The following TDRD3 variants were observed in gnomAD, a reference collection of about 807,000 sequenced individuals.
TDRD3 encodes the protein tudor domain containing 3.
TDRD3 carries 45 observed loss-of-function variants against 86.7 expected under a neutral mutation model. That is an observed-to-expected ratio of 0.52 (90% CI 0.41 to 0.67). The LOEUF (loss-of-function observed/expected upper bound fraction) is 0.67. Ranked by LOEUF, TDRD3 falls within the 30% of genes least tolerant of loss-of-function variation. The pLI, the probability that TDRD3 is intolerant of heterozygous loss-of-function variation, is 0.00. For missense variants in TDRD3, 814 were observed against 889.0 expected (o/e 0.92, Z 1.07); for synonymous variants, 298 against 301.7 (o/e 0.99, Z 0.13).
chr13:60,464,901 C>T (rs1250947858), intron 4 of TDRD3, among the ~76,000 whole-genome samples: 1 of 151,992 alleles, frequency 6.6e-6, no homozygotes, highest in Admixed American at 6.6e-5. Flanking sequence ...CTATAGTTAA[C>T]AGTAATTTAT....
rs1324987519 is a variant in TDRD3, at chr13:60,528,816, C to A, written c.1591C>A (p.Gln531Lys). The change falls in exon 11 of 14, where the codon CAA becomes AAA. Residue 531 changes from glutamine to lysine, a missense_variant. Coordinates refer to ENST00000377881, the MANE Select transcript of TDRD3 (RefSeq NM_001146070.2). ...TCAAGGATCTGTAGATTATAATAAT[C>A]AAAAACGTGGAAAAAGAGAAAGCCA... ...LPQGSVDYNN[Q>K]KRGKRESQTS... The A allele has an allele frequency of 3.7e-6, 6 of 1,613,590 alleles. No homozygotes were observed. Among genetic ancestry groups the A allele is most frequent in the Middle Eastern group, 1.7e-4 (1 of 6,058 alleles).
chr13:60,510,043 G>A, intron 9 of TDRD3, 124 bp downstream of exon 9: 1 of 1,141,474 alleles, frequency 8.8e-7, no homozygotes, highest in Non-Finnish European at 1.2e-6. Flanking sequence ...TAAGTGGAAG[G>A]AACACCAGTT....
intron 12 of TDRD3, chr13:60,535,833 A>T (rs1315936805): frequency 6.6e-6 from 1 of 152,122 alleles, no homozygotes; most frequent in Non-Finnish European, 1.5e-5. Context: ...TGACTCATGG[A>T]GTCCATTTTA....
intron 1 of TDRD3, among the ~76,000 whole-genome samples, chr13:60,407,417 G>C (rs1363385691): frequency 6.6e-6 from 1 of 152,154 alleles, no homozygotes; most frequent in African/African-American, 2.4e-5. Flanking sequence ...TTTCTGAAAT[G>C]AATGTTGTGA....
chr13:60,532,750 G>T (rs979874625), intron 11 of TDRD3, among the ~76,000 whole-genome samples: 1 of 151,574 alleles, frequency 6.6e-6, no homozygotes, highest in Non-Finnish European at 1.5e-5. Flanking sequence ...TATTTTTTTC[G>T]TCAACTGAAA....
Position 60,572,060 on chromosome 13 carries a change from T to C in TDRD3, c.*10-1556T>C, listed in dbSNP as rs547630740. On this transcript the variant is annotated intron_variant, in intron 13 of 13. Coordinates refer to ENST00000377881, the MANE Select transcript of TDRD3 (RefSeq NM_001146070.2). The stretch of plus-strand genomic sequence containing the variant: ...ACAGTTCTTTAGTCCAACCAAAACT[T>C]TGTGCGTTTGGAGAGGTTTCTGACA... Among the ~76,000 whole-genome samples, 3 of 152,202 alleles carry C rather than the reference T, an allele frequency of 2.0e-5. No individual in the cohort carries two copies. In the East Asian group the frequency reaches 5.8e-4, roughly 29 times the overall value.
chr13:60,505,006 G>A (rs1956906179), intron 8 of TDRD3, among the ~76,000 whole-genome samples: 1 of 152,154 alleles, frequency 6.6e-6, no homozygotes, highest in Non-Finnish European at 1.5e-5. Flanking sequence ...GCACAAAACT[G>A]ATGGCCTTTT....
At chr13:60,477,035 A>G (rs1956200151) in intron 5 of TDRD3, among the ~76,000 whole-genome samples, 1 of 151,686 alleles carries the variant, frequency 6.6e-6, no homozygotes, top group African/African-American at 2.4e-5. Context: ...TTTGGATGTC[A>G]TATATTTCTT....
chr13:60,508,689 C>T (rs143674340), intron 8 of TDRD3, among the ~76,000 whole-genome samples: 1 of 152,238 alleles, frequency 6.6e-6, no homozygotes, highest in East Asian at 1.9e-4. Context: ...TAGGCAATAC[C>T]ATTCAGGACA....
At position 60,418,327 on chromosome 13, in the gene TDRD3, T is replaced by G. The variant is rs567482646; in HGVS notation, c.41+20922T>G. ...ATTTTAAAACATAACTGTCATCTGTTATAAGAAGTCTTCCCTGATAGAAAG... is the reference window on the plus strand; with the variant it reads ...ATTTTAAAACATAACTGTCATCTGTGATAAGAAGTCTTCCCTGATAGAAAG... On this transcript the variant is annotated intron_variant, in intron 1 of 13. Coordinates refer to ENST00000377881, the MANE Select transcript of TDRD3 (RefSeq NM_001146070.2). 7.2e-5 allele frequency among the ~76,000 whole-genome samples: 11 copies of G among 152,204 alleles called. No homozygotes were observed. In the South Asian group the frequency reaches 1.7e-3, roughly 23 times the overall value.
At chr13:60,494,878 C>G (rs1274634618) in intron 8 of TDRD3, among the ~76,000 whole-genome samples, 1 of 152,208 alleles carries the variant, frequency 6.6e-6, no homozygotes, top group East Asian at 1.9e-4. Flanking sequence ...GCTTCCCCAC[C>G]TTCCCCACAT....
At position 60,532,695 on chromosome 13, in the gene TDRD3, C is replaced by T. The variant is rs112436999; in HGVS notation, c.1993-2413C>T. Among the ~76,000 whole-genome samples the T allele has an allele frequency of 8.4e-3, 1,272 of 152,278 alleles. 8 individuals carry two copies. Among genetic ancestry groups the T allele is most frequent in the Middle Eastern group, 0.024 (7 of 294 alleles). Reference sequence around the variant, plus strand: ...TCATTTCCATAGGAGAATTTGGGAACTTCTGGAAAGTTCTTCTTCCTGTAG... The same window carrying T: ...TCATTTCCATAGGAGAATTTGGGAATTTCTGGAAAGTTCTTCTTCCTGTAG... On this transcript the variant is annotated intron_variant, in intron 11 of 13. Transcript: ENST00000377881.
chr13:60,436,827 G>A (rs914387023), intron 1 of TDRD3, among the ~76,000 whole-genome samples: 1 of 152,104 alleles, frequency 6.6e-6, no homozygotes, highest in Non-Finnish European at 1.5e-5. Flanking sequence ...ATTTTGTAGG[G>A]ATGGAATATT....
intron 3 of TDRD3, among the ~76,000 whole-genome samples, chr13:60,455,262 T>A (rs1207502232): frequency 6.6e-6 from 1 of 152,178 alleles, no homozygotes; most frequent in East Asian, 1.9e-4. Flanking sequence ...CTAAGAGATG[T>A]TTTGACAGAG....
At chr13:60,443,312 C>T (rs1955326145) in intron 2 of TDRD3, among the ~76,000 whole-genome samples, 1 of 151,860 alleles carries the variant, frequency 6.6e-6, no homozygotes, top group Non-Finnish European at 1.5e-5. Flanking sequence ...AGTGAAAAGG[C>T]GTACAACGTG....
chr13:60,494,492 G>T lies in TDRD3; in HGVS notation c.775G>T (p.Ala259Ser). 1 of 1,613,780 alleles carries T rather than the reference G, an allele frequency of 6.2e-7. No homozygotes were observed. Among genetic ancestry groups the T allele is most frequent in the Non-Finnish European group, 8.5e-7 (1 of 1,179,838 alleles). ...TAGAAGTAATCTCAATATGAATGCT[G>T]CTGGTAACCGAAATAGGGAAGTTTT... ...GARSNLNMNA[A>S]GNRNREVLQK... is the part of the protein sequence containing the mutation. Residue 259 changes from alanine to serine, a missense_variant, in exon 8 of 14, where the codon GCT (alanine) becomes TCT (serine). Transcript: ENST00000377881.
chr13:60,458,168 C>G (rs929259438), intron 3 of TDRD3, among the ~76,000 whole-genome samples: 2 of 152,152 alleles, frequency 1.3e-5, no homozygotes, highest in Admixed American at 6.5e-5. Context: ...TTCCCCAGAT[C>G]TTTGTTCTCA....
At chr13:60,514,658 C>T (rs1345962564) in intron 10 of TDRD3, among the ~76,000 whole-genome samples, 3 of 152,130 alleles carry the variant, frequency 2.0e-5, no homozygotes, top group East Asian at 3.9e-4. Flanking sequence ...CACCAATTCC[C>T]TGTGCCTGGG....
At chr13:60,572,170 G>C (rs1441340114) in intron 13 of TDRD3, among the ~76,000 whole-genome samples, 2 of 152,100 alleles carry the variant, frequency 1.3e-5, no homozygotes, top group Non-Finnish European at 2.9e-5. Flanking sequence ...TGGTGGGGTG[G>C]AGTCCTCTGA....
Sources: gnomAD v4.1 joint callset for allele counts (sites outside exome capture counted in the v4.1 genomes callset) on GRCh38, gnomAD v4.1.1 for gene constraint, MANE v1.5 for transcripts, NCBI Gene and HGNC (gene_info 2026-07-23, HGNC 2026-07-21) for gene names.